Variants in NREP observed in about 807,000 individuals in gnomAD.
NREP encodes the protein neuronal regeneration related protein.
In NREP, 5 loss-of-function variants were observed where a neutral mutation model predicts 8.6. The observed-to-expected ratio is 0.58, with a 90% CI of 0.30 to 1.22. NREP has a LOEUF of 1.22. Ranked by LOEUF, NREP falls within the 50% of genes most tolerant of loss-of-function variation. The pLI, the probability that NREP is intolerant of heterozygous loss-of-function variation, is 0.07. For synonymous variants in NREP, 27 were observed against 28.0 expected (o/e 0.96, Z 0.11); for missense variants, 86 against 82.5 (o/e 1.04, Z -0.17).
At chr5:111,883,794 T>C (rs1193632282) in intron 2 of NREP, among the ~76,000 whole-genome samples, 1 of 151,932 alleles carries the variant, frequency 6.6e-6, no homozygotes, top group Admixed American at 6.6e-5. Context: ...AGACACAACA[T>C]ACCAGAATCT....
intron 2 of NREP, among the ~76,000 whole-genome samples, chr5:111,826,475 A>T (rs925872714): frequency 3.9e-5 from 6 of 152,138 alleles, no homozygotes; most frequent in Non-Finnish European, 8.8e-5. Context: ...CTGCGGCTTC[A>T]CTCCTGAAGT....
At chr5:111,782,131 A>T (rs1378486178) in intron 2 of NREP, among the ~76,000 whole-genome samples, 1 of 152,224 alleles carries the variant, frequency 6.6e-6, no homozygotes, top group Non-Finnish European at 1.5e-5. Context: ...CTAATGGCTT[A>T]ATAAATGGTA....
chr5:111,906,045 A>T (rs1392238380), intron 2 of NREP, among the ~76,000 whole-genome samples: 1 of 152,090 alleles, frequency 6.6e-6, no homozygotes, highest in Non-Finnish European at 1.5e-5. Flanking sequence ...TCATTTAAAA[A>T]TTTTTGCTGA....
intron 2 of NREP, among the ~76,000 whole-genome samples, chr5:111,925,940 A>G (rs1231489854): frequency 6.6e-6 from 1 of 152,162 alleles, no homozygotes; most frequent in African/African-American, 2.4e-5. Flanking sequence ...GTCTGCTATA[A>G]GAAACATGTT....
At chr5:111,888,987 T>C (rs1033168883) in intron 2 of NREP, among the ~76,000 whole-genome samples, 4 of 152,240 alleles carry the variant, frequency 2.6e-5, no homozygotes, top group African/African-American at 9.6e-5. Context: ...ATGTCTATGG[T>C]CTATGTCACA....
intron 2 of NREP, among the ~76,000 whole-genome samples, chr5:111,900,397 T>G (rs971660556): frequency 1.3e-5 from 2 of 151,600 alleles, no homozygotes; most frequent in Non-Finnish European, 2.9e-5. Flanking sequence ...CCAAAATTAG[T>G]AGAAGAGAAA....
chr5:111,897,679 C>T (rs1227162119), intron 2 of NREP, among the ~76,000 whole-genome samples: 1 of 152,088 alleles, frequency 6.6e-6, no homozygotes, highest in Non-Finnish European at 1.5e-5. Flanking sequence ...ACTGGAATTA[C>T]ATTCTTCTTT....
intron 2 of NREP, among the ~76,000 whole-genome samples, chr5:111,913,996 T>G (rs1252205974): frequency 6.6e-6 from 1 of 152,094 alleles, no homozygotes; most frequent in Non-Finnish European, 1.5e-5. Context: ...AATGCAAAAT[T>G]ATTTGGTGGC....
intron 2 of NREP, among the ~76,000 whole-genome samples, chr5:111,802,823 A>G (rs1459497326): frequency 1.3e-5 from 2 of 152,228 alleles, no homozygotes; most frequent in Non-Finnish European, 2.9e-5. Flanking sequence ...AACAGCCTGC[A>G]GAATATTTAG....
chr5:111,843,367 G>A (rs1753080215), intron 2 of NREP, among the ~76,000 whole-genome samples: 1 of 151,738 alleles, frequency 6.6e-6, no homozygotes, highest in Non-Finnish European at 1.5e-5. Context: ...TTTCACTTGG[G>A]TCATTGCATT....
At chr5:111,883,521 C>T (rs974540732) in intron 2 of NREP, among the ~76,000 whole-genome samples, 21 of 151,760 alleles carry the variant, frequency 1.4e-4, no homozygotes, top group African/African-American at 4.6e-4. Flanking sequence ...AGAATATACA[C>T]TTTTTTCAGC....
intron 2 of NREP, among the ~76,000 whole-genome samples, chr5:111,880,812 T>C (rs892262597): frequency 2.7e-5 from 4 of 147,182 alleles, no homozygotes; most frequent in East Asian, 2.0e-4. Context: ...TCATGGCTCA[T>C]TGCAGCCTCA....
At chr5:111,760,826 G>A (rs1021010803), upstream of NREP, among the ~76,000 whole-genome samples, 59 of 152,192 alleles carry the variant, frequency 3.9e-4, no homozygotes, top group African/African-American at 1.4e-3. Context: ...CCAAAGAATA[G>A]TCCCTCACAG....
intron 2 of NREP, among the ~76,000 whole-genome samples, chr5:111,736,857 T>TGTAG (rs1472858907): frequency 6.6e-6 from 1 of 152,192 alleles, no homozygotes; most frequent in East Asian, 1.9e-4. Context: ...ACACAGGTAG[T>TGTAG]GTAGGGTAGG....
chr5:111,768,691 T>G (rs1431835992), intron 2 of NREP, among the ~76,000 whole-genome samples: 1 of 152,236 alleles, frequency 6.6e-6, no homozygotes, highest in African/African-American at 2.4e-5. Context: ...GCAAAGGACA[T>G]GATTTCATTT....
chr5:111,782,139 G>T (rs1751507912), intron 2 of NREP, among the ~76,000 whole-genome samples: 1 of 152,122 alleles, frequency 6.6e-6, no homozygotes, highest in African/African-American at 2.4e-5. Flanking sequence ...TTAATAAATG[G>T]TAGCTGTGAT....
intron 2 of NREP, among the ~76,000 whole-genome samples, chr5:111,896,685 A>AT (rs776869586): frequency 7.9e-5 from 12 of 152,200 alleles, no homozygotes; most frequent in Non-Finnish European, 1.8e-4. Flanking sequence ...CATTTGATAA[A>AT]GATCAGCCTC....
intron 2 of NREP, among the ~76,000 whole-genome samples, chr5:111,769,216 A>G (rs1751158397): frequency 6.6e-6 from 1 of 152,190 alleles, no homozygotes; most frequent in South Asian, 2.1e-4. Flanking sequence ...CTATTCCTTC[A>G]TCTTCAATAA....
At chr5:111,803,995 A>G (rs1256877301) in intron 2 of NREP, among the ~76,000 whole-genome samples, 1 of 152,190 alleles carries the variant, frequency 6.6e-6, no homozygotes, top group Admixed American at 6.5e-5. Context: ...TACAACTAGT[A>G]GTCCCTTTTT....
Sources: gnomAD v4.1 joint callset for allele counts (sites outside exome capture counted in the v4.1 genomes callset) on GRCh38, gnomAD v4.1.1 for gene constraint, MANE v1.5 for transcripts, NCBI Gene and HGNC (gene_info 2026-07-23, HGNC 2026-07-21) for gene names.